The following RRN3 variants were observed in gnomAD, a reference collection of about 807,000 sequenced individuals.
RRN3 encodes RNA polymerase I-specific transcription initiation factor RRN3.
In RRN3, 38 loss-of-function variants were observed where a neutral mutation model predicts 82.3. The observed-to-expected ratio is 0.46, with a 90% confidence interval of 0.36 to 0.61. The LOEUF (loss-of-function observed/expected upper bound fraction) is 0.61. Among genes scored for constraint, RRN3 ranks in the 20% least tolerant of loss-of-function variants. The pLI is 0.00. For synonymous variants in RRN3, 284 were observed against 284.3 expected (o/e 1.00, Z 0.01); for missense variants, 726 against 793.1 (o/e 0.92, Z 1.02).
At chr16:15,065,537 C>T (rs138299609) in intron 15 of RRN3, among the ~76,000 whole-genome samples, 166 bp from the exon 16 acceptor site, 1 of 152,160 alleles carries the variant, frequency 6.6e-6, no homozygotes, top group Admixed American at 6.5e-5. Flanking sequence ...TTTTAGGGTA[C>T]CGTTCTATGG....
At chr16:15,081,183 G>A (rs1350986050) in intron 8 of RRN3, among the ~76,000 whole-genome samples, 1 of 152,176 alleles carries the variant, frequency 6.6e-6, no homozygotes, top group Non-Finnish European at 1.5e-5. Context: ...GACCATCCAT[G>A]TACAAGTTTT....
chr16:15,078,963 C>A (rs2045579847), intron 9 of RRN3, among the ~76,000 whole-genome samples: 1 of 152,032 alleles, frequency 6.6e-6, no homozygotes, highest in Non-Finnish European at 1.5e-5. Context: ...AGGTGCCCAC[C>A]ACCATACCCG....
At chr16:15,090,846 A>G (rs1276301582) in intron 3 of RRN3, among the ~76,000 whole-genome samples, 1 of 151,546 alleles carries the variant, frequency 6.6e-6, no homozygotes, top group Non-Finnish European at 1.5e-5. Context: ...GTGTATCTCG[A>G]ACCTGGAAAT....
chr16:15,093,165 C>T (rs548629650), intron 1 of RRN3, among the ~76,000 whole-genome samples: 2 of 152,052 alleles, frequency 1.3e-5, no homozygotes, highest in Non-Finnish European at 2.9e-5. Context: ...CCACCATGCC[C>T]GGCTGATTTT....
At chr16:15,075,470 C>T (rs140433024) in intron 10 of RRN3, among the ~76,000 whole-genome samples, 9 of 151,478 alleles carry the variant, frequency 5.9e-5, no homozygotes, top group Non-Finnish European at 8.8e-5. Flanking sequence ...CTCGGGGAGG[C>T]TGAGGTGGGC....
At chr16:15,086,341 C>G (rs1325184940) in intron 4 of RRN3, 24 bp downstream of exon 4, 3 of 1,612,862 alleles carry the variant, frequency 1.9e-6, no homozygotes, top group Non-Finnish European at 2.5e-6. Context: ...ACATACTTTA[C>G]AGTAAAATAA....
At chr16:15,078,488 C>T (rs2045557702) in intron 9 of RRN3, among the ~76,000 whole-genome samples, 1 of 152,118 alleles carries the variant, frequency 6.6e-6, no homozygotes, top group Non-Finnish European at 1.5e-5. Context: ...CTCCAGAAAG[C>T]AACAAAGACT....
intron 14 of RRN3, among the ~76,000 whole-genome samples, chr16:15,069,254 T>C (rs2045117029): frequency 6.6e-6 from 1 of 151,890 alleles, no homozygotes; most frequent in Non-Finnish European, 1.5e-5. Context: ...TGGCAGCTAG[T>C]AGGTGGAGGC....
Position 15,061,774 on chromosome 16 carries a change from G to A in RRN3, c.1926C>T (p.Pro642=), listed in dbSNP as rs550250275. ...GGGGACTGGGTTGCATGTACAACAC[G>A]GGTGGGGAGCCCACACTACTTGAAG... The part of the protein sequence containing the change: ...RSPSSSVGSP[P]VLYMQPSPL Residue 642 remains proline (P), a synonymous_variant, in exon 18 of 18, where the codon CCC becomes CCT. Transcript: ENST00000198767. The A allele has an allele frequency of 1.1e-5, 18 of 1,613,966 alleles. No homozygotes were observed. The highest frequency in any genetic ancestry group is 2.2e-5 in the South Asian group (2 of 91,076).
intron 15 of RRN3, among the ~76,000 whole-genome samples, chr16:15,066,826 G>A (rs551691623): frequency 6.6e-6 from 1 of 151,722 alleles, no homozygotes; most frequent in East Asian, 1.9e-4. Context: ...TACCATATCT[G>A]TACCTAGGCA....
In RRN3 at chr16:15,086,398, T is replaced by G. The variant is rs1300453923; in HGVS notation, c.309A>C (p.Thr103=). The part of the protein sequence containing the change: ...LEFRSSIMYL[T]KDFEQLISII... ...TACTGATAAGTTGCTCAAAGTCTTT[T>G]GTCAAGTACATGATAGAAGAACGGA... Residue 103 remains threonine (T), a synonymous_variant, in exon 4 of 18, where the codon ACA becomes ACC. Transcript: ENST00000198767. 6.2e-7 allele frequency: 1 copy of G among 1,613,692 alleles called. No homozygotes were observed. Among genetic ancestry groups the G allele is most frequent in the Non-Finnish European group, 8.5e-7 (1 of 1,179,804 alleles).
chr16:15,090,745 C>G (rs1049382507), intron 3 of RRN3, among the ~76,000 whole-genome samples: 2 of 152,172 alleles, frequency 1.3e-5, no homozygotes, highest in Non-Finnish European at 2.9e-5. Flanking sequence ...ATCTAACTAC[C>G]ACTGCCATAG....
At chr16:15,061,993 T>C (rs2044733584) in intron 17 of RRN3, 88 bp from the exon 18 acceptor site, 2 of 1,292,146 alleles carry the variant, frequency 1.5e-6, no homozygotes, top group African/African-American at 3.0e-5. Flanking sequence ...GTGTTAACGT[T>C]TGTAAAGATG....
intron 12 of RRN3, among the ~76,000 whole-genome samples, chr16:15,072,672 C>T (rs748215617): frequency 4.6e-5 from 7 of 152,136 alleles, no homozygotes; most frequent in South Asian, 4.1e-4. Flanking sequence ...GCATGGTAAC[C>T]TGTGGTCCCA....
intron 11 of RRN3, among the ~76,000 whole-genome samples, chr16:15,073,690 AAT>A (rs1302231111): frequency 2.6e-5 from 4 of 152,234 alleles, no homozygotes; most frequent in Non-Finnish European, 4.4e-5. Context: ...TAAACAGCTG[AAT>A]ATATAGGCAC....
intron 6 of RRN3, among the ~76,000 whole-genome samples, chr16:15,085,336 T>TA (rs397726417): frequency 4.0e-5 from 6 of 151,840 alleles, no homozygotes; most frequent in Admixed American, 1.3e-4. Flanking sequence ...CTTTTTTTTT[T>TA]AAAGAAGACA....
At position 15,061,490 on chromosome 16, in the gene RRN3, T is replaced by G; in HGVS notation, c.*254A>C. On this transcript the variant is annotated 3_prime_UTR_variant, in exon 18 of 18. Transcript: ENST00000198767. Reference sequence around the variant, plus strand: ...ATGTACATATTAAACAAGCAAATCCTTCCAAATGTATCATCAACCCCACTG... The same window carrying G: ...ATGTACATATTAAACAAGCAAATCCGTCCAAATGTATCATCAACCCCACTG... The G allele has an allele frequency of 2.5e-6, 1 of 397,006 alleles. No individual in the cohort carries two copies. Among genetic ancestry groups the G allele is most frequent in the Non-Finnish European group, 4.5e-6 (1 of 224,384 alleles). 24.6% of individuals were successfully genotyped at this position (397,006 alleles called of 1,614,324 possible).
At chr16:15,085,565 G>A (rs1261648306) in intron 6 of RRN3, 74 bp downstream of exon 6, 13 of 1,578,216 alleles carry the variant, frequency 8.2e-6, no homozygotes, top group East Asian at 2.3e-5. Context: ...TGATCCTCCC[G>A]TCTTGGCTTC....
chr16:15,087,712 T>C (rs564749466), intron 3 of RRN3, among the ~76,000 whole-genome samples: 22 of 152,362 alleles, frequency 1.4e-4, no homozygotes, highest in African/African-American at 5.3e-4. Flanking sequence ...CAAAGGCATG[T>C]AGAAAACAAG....
Sources: allele counts gnomAD v4.1 joint callset (sites outside exome capture counted in the v4.1 genomes callset), GRCh38; gene constraint gnomAD v4.1.1; transcripts MANE v1.5; gene names NCBI Gene and HGNC (gene_info 2026-07-23, HGNC 2026-07-21).